Variants in CHST11 observed in about 807,000 individuals in gnomAD.
The protein encoded by CHST11 is C4S-1.
CHST11 carries 9 observed loss-of-function variants against 30.4 expected under a neutral mutation model. That is an observed-to-expected ratio of 0.30 (90% confidence interval 0.18 to 0.52). The LOEUF is 0.52. Ranked by LOEUF, CHST11 falls within the 20% of genes least tolerant of loss-of-function variation. The pLI is 0.97. For synonymous variants in CHST11, 152 were observed against 187.8 expected (o/e 0.81, Z 1.56); for missense variants, 348 against 460.6 (o/e 0.76, Z 2.24).
At chr12:104,635,229 C>T (rs1448659770) in intron 2 of CHST11, among the ~76,000 whole-genome samples, 1 of 152,182 alleles carries the variant, frequency 6.6e-6, no homozygotes, top group African/African-American at 2.4e-5. Context: ...CCCACCATGT[C>T]CAAGCTTTGT....
chr12:104,578,835 A>G (rs904002751), intron 1 of CHST11, among the ~76,000 whole-genome samples: 6 of 152,242 alleles, frequency 3.9e-5, no homozygotes. Context: ...ATAGACTGCC[A>G]TGTGAGAGCC....
At chr12:104,740,978 T>G (rs1002288179) in intron 2 of CHST11, among the ~76,000 whole-genome samples, 3 of 152,228 alleles carry the variant, frequency 2.0e-5, no homozygotes, top group African/African-American at 7.2e-5. Flanking sequence ...GGCAGTGAAG[T>G]GATAAACAAA....
At chr12:104,734,461 G>A (rs2136134600) in intron 2 of CHST11, among the ~76,000 whole-genome samples, 1 of 152,294 alleles carries the variant, frequency 6.6e-6, no homozygotes, top group Admixed American at 6.5e-5. Flanking sequence ...AGAGAGGTCA[G>A]CTTGCCCAAG....
At chr12:104,716,339 AC>A (rs948381859) in intron 2 of CHST11, among the ~76,000 whole-genome samples, 13 of 151,884 alleles carry the variant, frequency 8.6e-5, no homozygotes, top group African/African-American at 3.1e-4. Flanking sequence ...ATCTGAGTCT[AC>A]CCCCACCCAG....
intron 1 of CHST11, among the ~76,000 whole-genome samples, chr12:104,580,297 A>G (rs2038730432): frequency 6.6e-6 from 1 of 152,208 alleles, no homozygotes; most frequent in Admixed American, 6.5e-5. Flanking sequence ...AGTTTCTAAT[A>G]TTGTTCAGCC....
chr12:104,718,865 T>G (rs2040152462), intron 2 of CHST11, among the ~76,000 whole-genome samples: 1 of 152,156 alleles, frequency 6.6e-6, no homozygotes, highest in Non-Finnish European at 1.5e-5. Context: ...TGCCCAGGTC[T>G]AAATTAAACA....
chr12:104,571,427 T>C (rs2038625033), intron 1 of CHST11, among the ~76,000 whole-genome samples: 1 of 152,202 alleles, frequency 6.6e-6, no homozygotes, highest in African/African-American at 2.4e-5. Context: ...CCTCCCAAAG[T>C]GCTGGGATTA....
At position 104,761,925 on chromosome 12, in the gene CHST11, G is replaced by A. The variant is rs1286433547; in HGVS notation, c.*4122G>A. ...TGAATTCCACATTGCCAACAAAAGCGTGAAAATGTTCATGAACCTTCCTCC... is the reference window on the plus strand; with the variant it reads ...TGAATTCCACATTGCCAACAAAAGCATGAAAATGTTCATGAACCTTCCTCC... On this transcript the variant is annotated 3_prime_UTR_variant, in exon 3 of 3. Transcript: ENST00000303694. 5.9e-5 allele frequency: 9 copies of A among 152,218 alleles called. No homozygotes were observed. Among genetic ancestry groups the A allele is most frequent in the African/African-American group, 1.7e-4 (7 of 41,460 alleles). 9.4% of individuals were successfully genotyped at this position (152,218 alleles called of 1,614,324 possible). A position where few individuals can be genotyped will look rare whatever the true frequency, so the allele number is the denominator to read the frequency against.
intron 2 of CHST11, among the ~76,000 whole-genome samples, chr12:104,620,303 T>G (rs1430002813): frequency 6.6e-6 from 1 of 152,190 alleles, no homozygotes; most frequent in Non-Finnish European, 1.5e-5. Flanking sequence ...CCAGGATAAA[T>G]GAGCTGGAGT....
At chr12:104,525,411 G>C (rs1052242035) in intron 1 of CHST11, among the ~76,000 whole-genome samples, 5 of 152,174 alleles carry the variant, frequency 3.3e-5, no homozygotes, top group African/African-American at 1.2e-4. Context: ...AGAAGAAGAG[G>C]ATTCCATCAT....
chr12:104,716,445 G>A (rs1473114135), intron 2 of CHST11, among the ~76,000 whole-genome samples: 3 of 152,232 alleles, frequency 2.0e-5, no homozygotes, highest in African/African-American at 4.8e-5. Flanking sequence ...CATGAGTATT[G>A]TGAGAAGTAA....
chr12:104,573,189 G>T (rs201361534), intron 1 of CHST11, among the ~76,000 whole-genome samples: 3 of 152,046 alleles, frequency 2.0e-5, no homozygotes, highest in Admixed American at 1.3e-4. Context: ...ACTACAAACC[G>T]CTGCTCAATG....
intron 1 of CHST11, among the ~76,000 whole-genome samples, chr12:104,566,206 A>T (rs1007549874): frequency 1.3e-5 from 2 of 152,186 alleles, no homozygotes; most frequent in Admixed American, 6.5e-5. Context: ...AATCTAGAAT[A>T]TTCTTCACTG....
chr12:104,543,366 A>T (rs2038304224), intron 1 of CHST11, among the ~76,000 whole-genome samples: 1 of 152,198 alleles, frequency 6.6e-6, no homozygotes, highest in South Asian at 2.1e-4. Flanking sequence ...GGGACAAACC[A>T]TCCAAACTGT....
At chr12:104,655,962 C>T (rs532945962) in intron 2 of CHST11, among the ~76,000 whole-genome samples, 1 of 152,132 alleles carries the variant, frequency 6.6e-6, no homozygotes, top group Non-Finnish European at 1.5e-5. Flanking sequence ...TAGTTTTTTC[C>T]TCTGGTTCCA....
At chr12:104,658,475 A>G (rs2039566926) in intron 2 of CHST11, among the ~76,000 whole-genome samples, 1 of 152,162 alleles carries the variant, frequency 6.6e-6, no homozygotes, top group Admixed American at 6.5e-5. Context: ...TGCAGACACT[A>G]TCTCCAAATA....
intron 2 of CHST11, chr12:104,602,350 G>A: frequency 6.8e-6 from 2 of 293,038 alleles, no homozygotes; most frequent in Non-Finnish European, 1.3e-5. Flanking sequence ...TTGCACATGG[G>A]TACACTTGAC....
intron 2 of CHST11, among the ~76,000 whole-genome samples, chr12:104,615,186 A>G (rs2039098196): frequency 6.6e-6 from 1 of 152,230 alleles, no homozygotes; most frequent in African/African-American, 2.4e-5. Context: ...GTGCTGCCTA[A>G]AATGGCCTCT....
At chr12:104,471,919 T>C (rs1477249266) in intron 1 of CHST11, among the ~76,000 whole-genome samples, 1 of 152,060 alleles carries the variant, frequency 6.6e-6, no homozygotes, top group Non-Finnish European at 1.5e-5. Context: ...GAACCTTTTC[T>C]ACATTGAACT....
Sources: allele counts gnomAD v4.1 joint callset (sites outside exome capture counted in the v4.1 genomes callset), GRCh38; gene constraint gnomAD v4.1.1; transcripts MANE v1.5; gene names NCBI Gene and HGNC (gene_info 2026-07-23, HGNC 2026-07-21).